ZNF541: variants seen among roughly 807,000 people sequenced by gnomAD.
ZNF541 encodes zinc finger protein 541.
A neutral mutation model predicts 123.5 loss-of-function variants in ZNF541; 23 were observed. That is an observed-to-expected ratio of 0.19 (90% CI 0.13 to 0.26). ZNF541 has a LOEUF of 0.26. Ranked by LOEUF, ZNF541 falls within the 10% of genes least tolerant of loss-of-function variation. The pLI is 1.00. For synonymous variants in ZNF541, 751 were observed against 754.5 expected (o/e 1.00, Z 0.08); for missense variants, 1,612 against 1,789.9 (o/e 0.90, Z 1.79).
intron 8 of ZNF541, among the ~76,000 whole-genome samples, chr19:47,539,484 T>C (rs1160987563): frequency 1.3e-5 from 2 of 151,948 alleles, no homozygotes; most frequent in East Asian, 3.9e-4. Context: ...GTATTTTTAG[T>C]AGACACAGGG....
At chr19:47,550,652 G>A (rs1214435694) in intron 3 of ZNF541, among the ~76,000 whole-genome samples, 1 of 152,110 alleles carries the variant, frequency 6.6e-6, no homozygotes, top group East Asian at 1.9e-4. Context: ...ATATCTGAAG[G>A]GCCAGTGTAT....
upstream of ZNF541, among the ~76,000 whole-genome samples, chr19:47,573,283 T>C (rs1971540527): frequency 6.6e-6 from 1 of 151,798 alleles, no homozygotes. Flanking sequence ...GCGTGCCTCC[T>C]GGCCGCGCGC....
chr19:47,557,990 AGGGGGAGTG>A (rs1397363758), intron 2 of ZNF541, among the ~76,000 whole-genome samples: 1 of 152,120 alleles, frequency 6.6e-6, no homozygotes, highest in African/African-American at 2.4e-5. Context: ...CAAAATGGGC[AGGGGGAGTG>A]GGGCAGCAGA....
In ZNF541 at chr19:47,540,438, C is replaced by T. The variant is rs1970032851; in HGVS notation, c.2463-103G>A. 9 of 1,259,986 alleles carry T rather than the reference C, an allele frequency of 7.1e-6. No individual in the cohort carries two copies. The South Asian group carries it at 8.4e-5, about 12-fold the overall frequency. 78.1% of individuals were successfully genotyped at this position (1,259,986 alleles called of 1,614,324 possible). A position where few individuals can be genotyped will look rare whatever the true frequency, so the allele number is the denominator to read the frequency against. ...CTTTTTTGTCTATAACTCCAATCCA[C>T]TGACTTTTTTTTTTTTTTGGAGATG... is the stretch of plus-strand genomic sequence containing the variant. On this transcript the variant is annotated intron_variant, in intron 6 of 16. Coordinates refer to ENST00000391901, the MANE Select transcript of ZNF541 (RefSeq NM_001277075.3).
At chr19:47,557,940 T>C (rs1970890921) in intron 2 of ZNF541, among the ~76,000 whole-genome samples, 1 of 147,268 alleles carries the variant, frequency 6.8e-6, no homozygotes, top group Non-Finnish European at 1.5e-5. Context: ...AGAAGAAAAA[T>C]AAACCACATA....
At chr19:47,572,417 A>C (rs191097105) in intron 1 of ZNF541, among the ~76,000 whole-genome samples, 5 of 152,292 alleles carry the variant, frequency 3.3e-5, no homozygotes, top group Admixed American at 2.6e-4. Flanking sequence ...AGATATTCCA[A>C]AAAGGGGCAC....
chr19:47,571,028 A>G (rs1490178165), intron 2 of ZNF541, among the ~76,000 whole-genome samples: 1 of 152,168 alleles, frequency 6.6e-6, no homozygotes, highest in Non-Finnish European at 1.5e-5. Context: ...ACATGTGCCC[A>G]AGCAGACACG....
chr19:47,533,061 G>C lies in ZNF541; in HGVS notation c.3095-89C>G, dbSNP rs1018181575. 4.6e-6 allele frequency: 6 copies of C among 1,301,264 alleles called. No homozygotes were observed. In the African/African-American group the frequency reaches 7.5e-5, roughly 16 times the overall value. The allele number at this position is 1,301,264 out of a possible 1,614,324, so 80.6% of individuals were successfully genotyped here. ...CCTGCCTGTGTGGACGCAGCTGAAA[G>C]CAGGGTCTTTAAGATCCCATGGGTT... On this transcript the variant is annotated intron_variant, in intron 9 of 16. Transcript: ENST00000391901.
chr19:47,543,391 A>T (rs1970165545), intron 5 of ZNF541, among the ~76,000 whole-genome samples: 1 of 152,074 alleles, frequency 6.6e-6, no homozygotes, highest in African/African-American at 2.4e-5. Context: ...GAACCAGTGA[A>T]TAATTATCAA....
chr19:47,540,932 A>T lies in ZNF541; in HGVS notation c.2423T>A (p.Leu808His). 6.4e-7 allele frequency: 1 copy of T among 1,550,836 alleles called. No homozygotes were observed. The highest frequency in any genetic ancestry group is 8.7e-7 in the Non-Finnish European group (1 of 1,146,734). The change falls in exon 6 of 17, where the codon CTC (leucine) becomes CAC (histidine). Residue 808 changes from leucine to histidine, a missense_variant. By Grantham distance (99) the Leu-to-His change is moderately conservative. Coordinates refer to ENST00000391901, the MANE Select transcript of ZNF541 (RefSeq NM_001277075.3). The stretch of plus-strand genomic sequence containing the variant: ...ATTCTCTTCCTTCACCGGATGGGGG[A>T]GCCTGTAGATGTTTCCACCCTGAAG... ...SRIQGGNIYR[L>H]PHPVKEENVA...
intron 2 of ZNF541, among the ~76,000 whole-genome samples, 137 bp downstream of exon 2, chr19:47,571,759 T>C (rs985068422): frequency 6.6e-6 from 1 of 152,194 alleles, no homozygotes. Context: ...TTTCCCTGTT[T>C]GACTTCTCCA....
chr19:47,529,571 C>T lies in ZNF541; in HGVS notation c.3481+6G>A, dbSNP rs373450606. 233 of 1,551,608 alleles carry T rather than the reference C, an allele frequency of 1.5e-4. 1 individual carries two copies. In the African/African-American group the frequency reaches 2.3e-3, roughly 15 times the overall value. On this transcript the variant is annotated splice_donor_region_variant and intron_variant, in intron 13 of 16. Coordinates refer to ENST00000391901, the MANE Select transcript of ZNF541 (RefSeq NM_001277075.3). ...CCAAACCAGCTCAGCAGCCTTTCCC[C>T]GTCACCTGTGTAGCGATAGTCAGCG...
intron 3 of ZNF541, among the ~76,000 whole-genome samples, chr19:47,553,721 G>A (rs1196598255): frequency 6.6e-6 from 1 of 151,942 alleles, no homozygotes; most frequent in Non-Finnish European, 1.5e-5. Context: ...TGTATTTTTA[G>A]TAGAGATGGG....
intron 2 of ZNF541, among the ~76,000 whole-genome samples, chr19:47,569,138 TAAC>T (rs1353592454): frequency 6.6e-6 from 1 of 152,120 alleles, no homozygotes; most frequent in Non-Finnish European, 1.5e-5. Context: ...CCTTCACAGT[TAAC>T]AACGAGGTAG....
intron 2 of ZNF541, among the ~76,000 whole-genome samples, chr19:47,564,180 A>C (rs1971174410): frequency 6.6e-6 from 1 of 151,102 alleles, no homozygotes; most frequent in African/African-American, 2.5e-5. Flanking sequence ...AAAACACATA[A>C]GGTGCTGGGT....
At chr19:47,528,585 TG>T (rs2122922082) in intron 14 of ZNF541, among the ~76,000 whole-genome samples, 1 of 152,200 alleles carries the variant, frequency 6.6e-6, no homozygotes, top group East Asian at 2.0e-4. Context: ...CCCAAAGTGT[TG>T]GGATTACAGG....
rs1356655881 is a variant in ZNF541 at position 47,544,056 on chromosome 19, C to T, written c.2403+70G>A. The T allele has an allele frequency of 4.9e-6, 7 of 1,442,928 alleles. No individual in the cohort carries two copies. The Admixed American group carries it at 8.2e-5, about 17-fold the overall frequency. 89.4% of individuals were successfully genotyped at this position (1,442,928 alleles called of 1,614,324 possible). On this transcript the variant is annotated intron_variant, in intron 5 of 16. Coordinates refer to ENST00000391901, the MANE Select transcript of ZNF541 (RefSeq NM_001277075.3). ...GGACTCTCTGAAATGAAATAAAATG[C>T]CTGGACAACTAACAAATGCAAAGGA...
intron 2 of ZNF541, among the ~76,000 whole-genome samples, chr19:47,567,513 G>T (rs1971312946): frequency 6.6e-6 from 1 of 152,202 alleles, no homozygotes; most frequent in East Asian, 1.9e-4. Flanking sequence ...GCCCTCCTCG[G>T]CTTCCCAAAG....
At chr19:47,527,999 C>CTTTTT (rs1022343366) in intron 14 of ZNF541, among the ~76,000 whole-genome samples, 2 of 118,218 alleles carry the variant, frequency 1.7e-5, no homozygotes, top group Non-Finnish European at 1.8e-5. Flanking sequence ...ACGCCAGGCC[C>CTTTTT]TTTTTTTTTT....
Sources: allele counts gnomAD v4.1 joint callset (sites outside exome capture counted in the v4.1 genomes callset), GRCh38; gene constraint gnomAD v4.1.1; transcripts MANE v1.5; gene names NCBI Gene and HGNC (gene_info 2026-07-23, HGNC 2026-07-21).